C8orf34: variants seen among roughly 807,000 people sequenced by gnomAD.
C8orf34 encodes uncharacterized protein C8orf34.
In C8orf34, 65 loss-of-function variants were observed where a neutral mutation model predicts 68.3. The observed-to-expected ratio is 0.95, with a 90% CI of 0.78 to 1.17. The LOEUF is 1.17. C8orf34 is among the 50% of genes most tolerant of loss of function. The probability of loss-of-function intolerance (pLI) is 0.00; values close to 1 mark genes in which losing one functional copy is unlikely to be tolerated. For synonymous variants in C8orf34, 244 were observed against 241.2 expected (o/e 1.01, Z -0.11); for missense variants, 664 against 655.4 (o/e 1.01, Z -0.14).
At chr8:68,757,499 G>A (rs1315477655) in intron 10 of C8orf34, among the ~76,000 whole-genome samples, 3 of 152,024 alleles carry the variant, frequency 2.0e-5, no homozygotes, top group Admixed American at 6.6e-5. Context: ...GTATGATGGC[G>A]GGCGCCTGTA....
intron 8 of C8orf34, among the ~76,000 whole-genome samples, chr8:68,699,701 C>A (rs1383402499): frequency 6.6e-6 from 1 of 152,064 alleles, no homozygotes; most frequent in African/African-American, 2.4e-5. Flanking sequence ...CAAAACATAT[C>A]TATTCTCCAA....
chr8:68,486,809 C>T (rs1023644313), intron 4 of C8orf34, among the ~76,000 whole-genome samples: 1 of 152,156 alleles, frequency 6.6e-6, no homozygotes, highest in African/African-American at 2.4e-5. Context: ...CTTTCTTGTT[C>T]TTTGTAGTCT....
intron 7 of C8orf34, among the ~76,000 whole-genome samples, chr8:68,589,519 GGGAGAGAGAGA>G (rs2130417961): frequency 1.1e-4 from 3 of 27,690 alleles, no homozygotes; most frequent in African/African-American, 5.8e-4. Context: ...GAGAGAGAAA[GGGAGAGAGAGA>G]AAGAAGAGAA....
chr8:68,436,123 G>C (rs572469814), intron 1 of C8orf34, among the ~76,000 whole-genome samples: 2 of 152,260 alleles, frequency 1.3e-5, no homozygotes, highest in African/African-American at 4.8e-5. Flanking sequence ...TGGAAGAATT[G>C]CTTGAACCCA....
At chr8:68,346,073 T>A (rs1281893353) in intron 1 of C8orf34, among the ~76,000 whole-genome samples, 20 of 152,144 alleles carry the variant, frequency 1.3e-4, no homozygotes, top group Admixed American at 1.2e-3. Flanking sequence ...TTTGAAATTG[T>A]ATTGAATGAA....
intron 3 of C8orf34, among the ~76,000 whole-genome samples, chr8:68,456,115 G>A (rs1811539327): frequency 6.6e-6 from 1 of 151,358 alleles, no homozygotes; most frequent in Non-Finnish European, 1.5e-5. Flanking sequence ...AATTAGCAGG[G>A]CGTGGTGGTG....
At chr8:68,720,865 C>T (rs959234421) in intron 9 of C8orf34, among the ~76,000 whole-genome samples, 1 of 151,798 alleles carries the variant, frequency 6.6e-6, no homozygotes, top group Non-Finnish European at 1.5e-5. Flanking sequence ...TTCCTTCATA[C>T]GTTGAAATGG....
chr8:68,463,487 A>G (rs1811950397), intron 3 of C8orf34, among the ~76,000 whole-genome samples: 1 of 152,216 alleles, frequency 6.6e-6, no homozygotes, highest in Non-Finnish European at 1.5e-5. Context: ...AGACAAAACC[A>G]AAAAAGAGAA....
chr8:68,615,244 A>G (rs1476599017), intron 7 of C8orf34, among the ~76,000 whole-genome samples: 1 of 150,958 alleles, frequency 6.6e-6, no homozygotes, highest in East Asian at 1.9e-4. Context: ...AACAGGGACA[A>G]TTTGACTTCC....
At chr8:68,334,564 T>C (rs765594747) in intron 1 of C8orf34, among the ~76,000 whole-genome samples, 31 of 152,094 alleles carry the variant, frequency 2.0e-4, no homozygotes, top group Non-Finnish European at 3.7e-4. Context: ...GGCAGTTATA[T>C]ATCTTGGTTC....
chr8:68,444,795 A>T (rs953339725), intron 2 of C8orf34, among the ~76,000 whole-genome samples: 2 of 152,216 alleles, frequency 1.3e-5, no homozygotes, highest in African/African-American at 4.8e-5. Context: ...GAAGCAGAGA[A>T]TAAAGAAAGT....
chr8:68,633,789 G>A (rs938108440), intron 7 of C8orf34, among the ~76,000 whole-genome samples: 5 of 150,300 alleles, frequency 3.3e-5, no homozygotes, highest in Admixed American at 2.6e-4. Flanking sequence ...AAAAAGAGAG[G>A]AAGAAAGAAA....
intron 7 of C8orf34, among the ~76,000 whole-genome samples, chr8:68,549,519 A>G (rs1196866890): frequency 6.6e-6 from 1 of 151,754 alleles, no homozygotes. Flanking sequence ...CAAAACTCAT[A>G]ATATTATACA....
rs543965220 is a variant in C8orf34 at position 68,685,591 on chromosome 8, C to T, written c.1242-23403C>T. ...GATCCAGGGTTTGGATGTGGTGGCT[C>T]ATGCCTGTAATTTCAGCACTTTGGG... On this transcript the variant is annotated intron_variant, in intron 8 of 13. Coordinates refer to ENST00000518698, the MANE Select transcript of C8orf34 (RefSeq NM_052958.4). Among the ~76,000 whole-genome samples the T allele has an allele frequency of 1.6e-3, 249 of 152,168 alleles. 4 individuals carry two copies. Among genetic ancestry groups the T allele is most frequent in the African/African-American group, 5.6e-3 (231 of 41,554 alleles).
Position 68,626,140 on chromosome 8 carries a change from C to CATCAA in C8orf34, c.1106-14233_1106-14229dup, listed in dbSNP as rs544386444. ...AGGAAGGGAAGTGAAGTAGAAAGGA[C>CATCAA]ATCAAATGGAGGAAAATTGAAGCAA... On this transcript the variant is annotated intron_variant, in intron 7 of 13. Transcript: ENST00000518698. 3.5e-3 allele frequency among the ~76,000 whole-genome samples: 531 copies of CATCAA among 152,094 alleles called. 1 individual carries two copies. The highest frequency in any genetic ancestry group is 0.012 in the African/African-American group (508 of 41,476).
intron 12 of C8orf34, among the ~76,000 whole-genome samples, chr8:68,813,817 C>G (rs1026587818): frequency 1.3e-5 from 2 of 152,188 alleles, no homozygotes; most frequent in Admixed American, 6.5e-5. Flanking sequence ...GTTTTCCTCT[C>G]TACCGCAACT....
chr8:68,780,762 A>G (rs1423468303), intron 11 of C8orf34, among the ~76,000 whole-genome samples: 1 of 152,174 alleles, frequency 6.6e-6, no homozygotes, highest in Admixed American at 6.5e-5. Flanking sequence ...AAACACACAC[A>G]CATACACACA....
chr8:68,753,499 T>C (rs574304230), intron 10 of C8orf34, among the ~76,000 whole-genome samples: 47 of 152,212 alleles, frequency 3.1e-4, no homozygotes, highest in Non-Finnish European at 6.3e-4. Context: ...AGGAGAGCTT[T>C]CCATAGATTG....
At chr8:68,783,259 C>A (rs1445413475) in intron 11 of C8orf34, among the ~76,000 whole-genome samples, 1 of 152,140 alleles carries the variant, frequency 6.6e-6, no homozygotes, top group Non-Finnish European at 1.5e-5. Flanking sequence ...GAGGCGCACG[C>A]CTGTAATCCC....
Sources: gnomAD v4.1 joint callset for allele counts (sites outside exome capture counted in the v4.1 genomes callset) on GRCh38, gnomAD v4.1.1 for gene constraint, MANE v1.5 for transcripts, NCBI Gene and HGNC (gene_info 2026-07-23, HGNC 2026-07-21) for gene names.